CENPW: variants seen among roughly 807,000 people sequenced by gnomAD.
The protein encoded by CENPW is cancer-up-regulated gene 2 protein.
CENPW carries 3 observed loss-of-function variants against 11.1 expected under a neutral mutation model. The ratio of observed to expected loss-of-function variants is 0.27; its 90% CI spans 0.12 to 0.70. The LOEUF (loss-of-function observed/expected upper bound fraction) is 0.70, where lower values mean the gene tolerates loss of function less well. CENPW is among the 30% of genes least tolerant of loss of function. The pLI is 0.77. For missense variants in CENPW, 100 were observed against 105.6 expected (o/e 0.95, Z 0.23); for synonymous variants, 38 against 42.0 (o/e 0.91, Z 0.37).
chr6:126,441,431 A>C, the CENPW span, among the ~76,000 whole-genome samples: 1 of 151,372 alleles, frequency 6.6e-6, no homozygotes, highest in Admixed American at 6.6e-5. Flanking sequence ...CTTTCTTCTA[A>C]AACTAGGATA....
At chr6:126,454,849 A>G in the CENPW span, among the ~76,000 whole-genome samples, 1 of 151,328 alleles carries the variant, frequency 6.6e-6, no homozygotes, top group African/African-American at 2.4e-5. Flanking sequence ...AAAAAGAAAG[A>G]AGATCCAAAT....
the CENPW span, among the ~76,000 whole-genome samples, chr6:126,357,307 T>C: frequency 1.3e-5 from 2 of 152,210 alleles, no homozygotes; most frequent in Admixed American, 1.3e-4. Flanking sequence ...ATTGTACCAT[T>C]ACCATGCTGT....
chr6:126,352,100 C>T (rs538104073), downstream of CENPW, among the ~76,000 whole-genome samples: 4 of 152,156 alleles, frequency 2.6e-5, no homozygotes, highest in South Asian at 2.1e-4. Context: ...GCCATGCTTC[C>T]GAGAACAACT....
chr6:126,414,247 G>A, the CENPW span, among the ~76,000 whole-genome samples: 1 of 152,032 alleles, frequency 6.6e-6, no homozygotes. Flanking sequence ...CACAGCTTTG[G>A]ATAGATAATC....
At chr6:126,440,268 A>G in the CENPW span, among the ~76,000 whole-genome samples, 1 of 151,584 alleles carries the variant, frequency 6.6e-6, no homozygotes, top group Non-Finnish European at 1.5e-5. Flanking sequence ...TATAGTTTGT[A>G]TAATTCCTTA....
the CENPW span, among the ~76,000 whole-genome samples, chr6:126,395,524 C>T: frequency 6.6e-6 from 1 of 152,164 alleles, no homozygotes; most frequent in Non-Finnish European, 1.5e-5. Context: ...CTTTGTCTCT[C>T]CAGGATTGGT....
chr6:126,461,068 C>T, the CENPW span, among the ~76,000 whole-genome samples: 2 of 151,924 alleles, frequency 1.3e-5, no homozygotes, highest in African/African-American at 4.8e-5. Flanking sequence ...TTACTAAATT[C>T]CAGATATGAC....
At chr6:126,454,895 C>T in the CENPW span, among the ~76,000 whole-genome samples, 5 of 151,356 alleles carry the variant, frequency 3.3e-5, no homozygotes, top group Admixed American at 2.0e-4. Context: ...GACATTACTA[C>T]TGACCCCACA....
chr6:126,481,809 G>T, the CENPW span, among the ~76,000 whole-genome samples: 1 of 151,970 alleles, frequency 6.6e-6, no homozygotes, highest in Non-Finnish European at 1.5e-5. Flanking sequence ...AGATCTAATT[G>T]TTCATTCAAT....
chr6:126,402,983 T>C, the CENPW span, among the ~76,000 whole-genome samples: 1 of 152,098 alleles, frequency 6.6e-6, no homozygotes, highest in African/African-American at 2.4e-5. Flanking sequence ...CTGTGTCACA[T>C]TTTGATAATT....
At chr6:126,431,707 T>C in the CENPW span, among the ~76,000 whole-genome samples, 47 of 152,110 alleles carry the variant, frequency 3.1e-4, no homozygotes, top group Non-Finnish European at 4.1e-4. Flanking sequence ...ATAATAAATA[T>C]GCAACCCACG....
chr6:126,460,602 C>T, the CENPW span, among the ~76,000 whole-genome samples: 1 of 151,722 alleles, frequency 6.6e-6, no homozygotes, highest in African/African-American at 2.4e-5. Context: ...CCATGTTTTT[C>T]TACTTACTAG....
At chr6:126,346,457 T>C (rs1196486814) in intron 2 of CENPW, 139 bp downstream of exon 2, 1 of 486,238 alleles carries the variant, frequency 2.1e-6, no homozygotes, top group Admixed American at 3.5e-5. Context: ...TTAATGATTT[T>C]AATTAAGGAG....
the CENPW span, among the ~76,000 whole-genome samples, chr6:126,414,003 C>G: frequency 6.6e-6 from 1 of 151,726 alleles, no homozygotes; most frequent in African/African-American, 2.4e-5. Context: ...AAACAAAAAG[C>G]AATCAAGAGT....
chr6:126,473,703 A>C, the CENPW span, among the ~76,000 whole-genome samples: 1 of 151,656 alleles, frequency 6.6e-6, no homozygotes, highest in Non-Finnish European at 1.5e-5. Flanking sequence ...ACCACACTCC[A>C]GTCTGGACGA....
the CENPW span, among the ~76,000 whole-genome samples, chr6:126,361,839 C>T: frequency 1.3e-5 from 2 of 152,198 alleles, no homozygotes; most frequent in African/African-American, 4.8e-5. Flanking sequence ...CATCTTGTCC[C>T]TCTTACTGCT....
chr6:126,378,838 GAAA>G, the CENPW span, among the ~76,000 whole-genome samples: 10 of 151,782 alleles, frequency 6.6e-5, no homozygotes, highest in Admixed American at 5.9e-4. Context: ...TATTCTTTAA[GAAA>G]AAAATCACAT....
the CENPW span, among the ~76,000 whole-genome samples, chr6:126,414,871 GA>G: frequency 6.7e-6 from 1 of 148,736 alleles, no homozygotes; most frequent in South Asian, 2.1e-4. Context: ...CTTAGTTTAG[GA>G]AAAAAAGAAG....
chr6:126,419,107 A>G, the CENPW span, among the ~76,000 whole-genome samples: 1 of 152,054 alleles, frequency 6.6e-6, no homozygotes, highest in Non-Finnish European at 1.5e-5. Context: ...TTTTAAAAAG[A>G]TAATCAAATT....
Sources: gnomAD v4.1 joint callset for allele counts (sites outside exome capture counted in the v4.1 genomes callset) on GRCh38, gnomAD v4.1.1 for gene constraint, MANE v1.5 for transcripts, NCBI Gene and HGNC (gene_info 2026-07-23, HGNC 2026-07-21) for gene names.